Variants in LDB2 observed in about 807,000 individuals in gnomAD.
The protein encoded by LDB2 is LIM domain-binding protein 2.
A neutral mutation model predicts 44.3 loss-of-function variants in LDB2; 12 were observed. The ratio of observed to expected loss-of-function variants is 0.27; its 90% CI spans 0.17 to 0.44. LDB2 has a LOEUF of 0.44. Among genes scored for constraint, LDB2 ranks in the 20% least tolerant of loss-of-function variants. The pLI is 1.00. For synonymous variants in LDB2, 164 were observed against 174.8 expected (o/e 0.94, Z 0.49); for missense variants, 344 against 473.5 (o/e 0.73, Z 2.54).
intron 2 of LDB2, among the ~76,000 whole-genome samples, chr4:16,634,413 C>A (rs936279165): frequency 6.6e-6 from 1 of 151,580 alleles, no homozygotes; most frequent in African/African-American, 2.4e-5. Flanking sequence ...GGGCTAATAT[C>A]CAGAGTCTAC....
At chr4:16,814,535 AC>A (rs35589889) in intron 1 of LDB2, among the ~76,000 whole-genome samples, 61,329 of 151,986 alleles carry the variant, frequency 0.4, 13,223 homozygotes, top group Non-Finnish European at 0.48. Flanking sequence ...TATATGAGCA[AC>A]CCCTGTAATC....
intron 1 of LDB2, among the ~76,000 whole-genome samples, chr4:16,871,864 C>T (rs553224404): frequency 3.9e-5 from 6 of 152,154 alleles, no homozygotes; most frequent in South Asian, 4.2e-4. Context: ...GCAGATGATC[C>T]GCCCACCTCG....
At chr4:16,604,905 C>G (rs1467658506) in intron 2 of LDB2, among the ~76,000 whole-genome samples, 1 of 152,130 alleles carries the variant, frequency 6.6e-6, no homozygotes, top group Non-Finnish European at 1.5e-5. Flanking sequence ...ATAAATTTAA[C>G]TTATGAATTA....
intron 1 of LDB2, among the ~76,000 whole-genome samples, chr4:16,889,083 A>G (rs937053737): frequency 5.1e-5 from 7 of 136,894 alleles, no homozygotes; most frequent in Non-Finnish European, 8.9e-5. Context: ...TCTCTCTCTC[A>G]CACACATAAA....
At chr4:16,663,727 C>T (rs1349806796) in intron 2 of LDB2, among the ~76,000 whole-genome samples, 1 of 152,130 alleles carries the variant, frequency 6.6e-6, no homozygotes, top group Non-Finnish European at 1.5e-5. Context: ...TAGAATGAAA[C>T]TTGCCTTGCT....
intron 2 of LDB2, among the ~76,000 whole-genome samples, chr4:16,643,204 C>A (rs1340938016): frequency 9.9e-5 from 15 of 151,982 alleles, no homozygotes; most frequent in Admixed American, 9.8e-4. Context: ...GGGGGGGGCA[C>A]TTTTTCCTAA....
chr4:16,841,468 A>T (rs138077223), intron 1 of LDB2, among the ~76,000 whole-genome samples: 5 of 152,380 alleles, frequency 3.3e-5, no homozygotes, highest in African/African-American at 1.2e-4. Flanking sequence ...TGCACTTAGT[A>T]AACAGGTGTT....
At chr4:16,653,318 G>T (rs1470064588) in intron 2 of LDB2, among the ~76,000 whole-genome samples, 1 of 152,160 alleles carries the variant, frequency 6.6e-6, no homozygotes, top group Non-Finnish European at 1.5e-5. Flanking sequence ...TATACACCAG[G>T]GTGGACAGCA....
chr4:16,766,203 T>C (rs1383940200), intron 1 of LDB2, among the ~76,000 whole-genome samples: 1 of 152,098 alleles, frequency 6.6e-6, no homozygotes, highest in African/African-American at 2.4e-5. Flanking sequence ...ATGAAAACCA[T>C]ATGGATCTTC....
intron 5 of LDB2, among the ~76,000 whole-genome samples, chr4:16,557,109 T>C (rs1161004322): frequency 6.6e-6 from 1 of 152,156 alleles, no homozygotes; most frequent in South Asian, 2.1e-4. Flanking sequence ...GATGGCCGAA[T>C]AGGAACAGCG....
intron 2 of LDB2, among the ~76,000 whole-genome samples, chr4:16,630,425 C>T (rs1256883043): frequency 2.0e-5 from 3 of 152,164 alleles, no homozygotes; most frequent in African/African-American, 4.8e-5. Context: ...CTTATAAGAG[C>T]TCCTGAAGAA....
intron 1 of LDB2, among the ~76,000 whole-genome samples, chr4:16,767,474 T>C (rs1025835522): frequency 6.6e-6 from 1 of 152,128 alleles, no homozygotes; most frequent in African/African-American, 2.4e-5. Context: ...TAGATTGAGC[T>C]CTGTTGCACA....
chr4:16,658,696 C>A (rs78380960), intron 2 of LDB2, among the ~76,000 whole-genome samples: 130 of 152,234 alleles, frequency 8.5e-4, no homozygotes, highest in African/African-American at 3.0e-3. Flanking sequence ...CCGATTGTGA[C>A]CTCAGTGTTA....
chr4:16,687,892 A>T (rs968834537), intron 2 of LDB2, among the ~76,000 whole-genome samples: 5 of 152,170 alleles, frequency 3.3e-5, no homozygotes, highest in African/African-American at 7.2e-5. Flanking sequence ...TGGGGGCAAA[A>T]CTGGTAGAGA....
chr4:16,666,593 TCTA>T (rs763370761), intron 2 of LDB2, among the ~76,000 whole-genome samples: 6 of 152,348 alleles, frequency 3.9e-5, no homozygotes, highest in East Asian at 3.9e-4. Flanking sequence ...CCACCAGGCT[TCTA>T]CTGCATGGAT....
intron 5 of LDB2, among the ~76,000 whole-genome samples, chr4:16,517,794 T>C (rs1724347169): frequency 6.6e-6 from 1 of 152,224 alleles, no homozygotes; most frequent in Admixed American, 6.5e-5. Context: ...CCTATGCTTC[T>C]GACCTCTTTT....
chr4:16,819,908 G>A (rs749096254), intron 1 of LDB2, among the ~76,000 whole-genome samples: 2 of 152,170 alleles, frequency 1.3e-5, no homozygotes, highest in Non-Finnish European at 2.9e-5. Flanking sequence ...TTGTTTCTCT[G>A]ATCCTCTGGA....
At chr4:16,505,434 T>C (rs1719003765) in intron 7 of LDB2, among the ~76,000 whole-genome samples, 1 of 152,082 alleles carries the variant, frequency 6.6e-6, no homozygotes, top group South Asian at 2.1e-4. Context: ...CATATGCACA[T>C]AGACAGTTAA....
intron 2 of LDB2, among the ~76,000 whole-genome samples, chr4:16,725,288 G>GGAGAGAGAGAAAGACAGA (rs1319372334): frequency 2.0e-5 from 3 of 151,568 alleles, no homozygotes; most frequent in Non-Finnish European, 4.4e-5. Flanking sequence ...ATATACATCT[G>GGAGAGAGAGAAAGACAGA]GAGAGAGAGA....
Sources: gnomAD v4.1 joint callset for allele counts (sites outside exome capture counted in the v4.1 genomes callset) on GRCh38, gnomAD v4.1.1 for gene constraint, MANE v1.5 for transcripts, NCBI Gene and HGNC (gene_info 2026-07-23, HGNC 2026-07-21) for gene names.